HMCN1: variants seen among roughly 807,000 people sequenced by gnomAD.
The protein encoded by HMCN1 is hemicentin 1.
Under a neutral mutation model 625.9 loss-of-function variants are expected in HMCN1, and 321 were observed. That is an observed-to-expected ratio of 0.51 (90% confidence interval 0.47 to 0.56). HMCN1 has a LOEUF of 0.56. Ranked by LOEUF, HMCN1 falls within the 20% of genes least tolerant of loss-of-function variation. The pLI is 0.00. For synonymous variants in HMCN1, 2,425 were observed against 2,417.6 expected (o/e 1.00, Z -0.09); for missense variants, 6,588 against 6,887.3 (o/e 0.96, Z 1.54).
intron 11 of HMCN1, among the ~76,000 whole-genome samples, chr1:185,953,251 G>T (rs1289314560): frequency 6.6e-6 from 1 of 151,520 alleles, no homozygotes; most frequent in Non-Finnish European, 1.5e-5. Flanking sequence ...CAGAGAAGGG[G>T]TAGAGAGAAG....
chr1:186,068,033 A>G (rs1658239106), intron 50 of HMCN1, 26 bp downstream of exon 50: 1 of 1,577,302 alleles, frequency 6.3e-7, no homozygotes, highest in Non-Finnish European at 8.7e-7. Context: ...CAGATGTCCA[A>G]GATGCATCTG....
intron 2 of HMCN1, among the ~76,000 whole-genome samples, chr1:185,853,248 T>C (rs1267846429): frequency 6.6e-6 from 1 of 152,170 alleles, no homozygotes; most frequent in African/African-American, 2.4e-5. Context: ...CCAATCACTT[T>C]GAGTAACTGG....
At chr1:185,899,711 G>A (rs563777275) in intron 4 of HMCN1, among the ~76,000 whole-genome samples, 1 of 152,200 alleles carries the variant, frequency 6.6e-6, no homozygotes, top group East Asian at 1.9e-4. Context: ...TTTAGCAGTG[G>A]TAAAACAGAG....
At chr1:185,788,994 G>A (rs1657812524) in intron 1 of HMCN1, among the ~76,000 whole-genome samples, 1 of 152,024 alleles carries the variant, frequency 6.6e-6, no homozygotes, top group African/African-American at 2.4e-5. Context: ...AGCATTTTGA[G>A]ATAAAGAAAT....
intron 4 of HMCN1, among the ~76,000 whole-genome samples, chr1:185,891,902 C>G (rs139026516): frequency 0.02 from 2,815 of 142,646 alleles, 469 homozygotes; most frequent in African/African-American, 0.082. Flanking sequence ...ACCCTGCAGA[C>G]TGTTTTCCAA....
At chr1:186,051,598 G>A (rs1404287311) in intron 42 of HMCN1, among the ~76,000 whole-genome samples, 2 of 152,026 alleles carry the variant, frequency 1.3e-5, no homozygotes, top group Non-Finnish European at 2.9e-5. Flanking sequence ...ATGTAATTGT[G>A]TCATTTTCTT....
intron 4 of HMCN1, among the ~76,000 whole-genome samples, chr1:185,892,676 C>A (rs992322432): frequency 1.3e-5 from 2 of 151,960 alleles, no homozygotes; most frequent in Admixed American, 6.5e-5. Flanking sequence ...GTTCTCAGAT[C>A]TCCAGCTGCC....
intron 1 of HMCN1, among the ~76,000 whole-genome samples, chr1:185,786,261 A>T (rs780834147): frequency 6.6e-6 from 1 of 152,238 alleles, no homozygotes; most frequent in Non-Finnish European, 1.5e-5. Flanking sequence ...ATGGAAATGC[A>T]GAAAACAGTG....
At chr1:185,762,500 A>G (rs1363409629) in intron 1 of HMCN1, among the ~76,000 whole-genome samples, 1 of 152,184 alleles carries the variant, frequency 6.6e-6, no homozygotes, top group African/African-American at 2.4e-5. Context: ...TGGCTCTGAT[A>G]GTCATGGTTC....
intron 1 of HMCN1, among the ~76,000 whole-genome samples, chr1:185,736,665 T>C (rs1025031421): frequency 4.6e-5 from 7 of 152,240 alleles, no homozygotes; most frequent in African/African-American, 1.4e-4. Context: ...TATTTTGAAG[T>C]GATATGAAAA....
chr1:185,791,441 T>C (rs1413999607), intron 1 of HMCN1, among the ~76,000 whole-genome samples: 1 of 152,160 alleles, frequency 6.6e-6, no homozygotes, highest in Non-Finnish European at 1.5e-5. Context: ...AAAATTTGGC[T>C]GGGCACGGCG....
At chr1:186,080,367 CA>C (rs1659091586) in intron 55 of HMCN1, among the ~76,000 whole-genome samples, 1 of 152,076 alleles carries the variant, frequency 6.6e-6, no homozygotes, top group Admixed American at 6.6e-5. Context: ...GCTTTCAAAA[CA>C]AAAATGATTA....
chr1:186,094,509 G>A (rs1189388475), intron 67 of HMCN1, 136 bp downstream of exon 67: 2 of 716,470 alleles, frequency 2.8e-6, no homozygotes, highest in African/African-American at 1.7e-5. Flanking sequence ...GGATCTTACT[G>A]ACTAGAGAAT....
At chr1:186,166,342 C>A in intron 99 of HMCN1, 39 bp downstream of exon 99, 1 of 1,612,738 alleles carries the variant, frequency 6.2e-7, no homozygotes, top group South Asian at 1.1e-5. Flanking sequence ...AGCAATGGGT[C>A]AAGGATTTCT....
intron 1 of HMCN1, among the ~76,000 whole-genome samples, chr1:185,823,049 A>G (rs1036818871): frequency 6.6e-6 from 1 of 152,168 alleles, no homozygotes; most frequent in Non-Finnish European, 1.5e-5. Context: ...AATGAAAGTT[A>G]TATGGGATAT....
At chr1:186,089,261 GC>G (rs1237078746) in intron 63 of HMCN1, among the ~76,000 whole-genome samples, 1 of 151,962 alleles carries the variant, frequency 6.6e-6, no homozygotes, top group Non-Finnish European at 1.5e-5. Context: ...ATTAAGCATT[GC>G]AGGGACAACT....
rs567719847 is a variant in HMCN1, at chr1:186,172,048, A to T, written c.15731A>T (p.His5244Leu). The change falls in exon 102 of 107, where the codon CAC becomes CTC. Residue 5244 changes from histidine to leucine, a missense_variant. Around this residue, in one of 3 missense-constraint regions of HMCN1, gnomAD observed 1,954 missense variants for 2,013.1 expected, o/e 0.97. Transcript: ENST00000271588. ...CRQNVCRPDQ[H>L]CKNTRGGYKC... Reference sequence around the variant, plus strand: ...CAAAATGTATGCAGACCAGATCAGCACTGTAAGAACACCCGTGGTGGCTAT... The same window carrying T: ...CAAAATGTATGCAGACCAGATCAGCTCTGTAAGAACACCCGTGGTGGCTAT... 5.0e-6 allele frequency: 8 copies of T among 1,613,718 alleles called. No homozygotes were observed. Among genetic ancestry groups the T allele is most frequent in the Non-Finnish European group, 5.9e-6 (7 of 1,179,770 alleles).
chr1:185,965,777 C>T (rs1215039734), intron 13 of HMCN1, 25 bp from the exon 14 acceptor site: 10 of 1,246,102 alleles, frequency 8.0e-6, no homozygotes, highest in Non-Finnish European at 1.2e-5. Context: ...TAAATGTTGA[C>T]TATTTGCGTT....
chr1:185,892,184 G>A (rs975652531), intron 4 of HMCN1, among the ~76,000 whole-genome samples: 1 of 148,730 alleles, frequency 6.7e-6, no homozygotes, highest in Non-Finnish European at 1.5e-5. Context: ...GCACCTCTCT[G>A]TATTGGTTAT....
Sources: gnomAD v4.1 joint callset for allele counts (sites outside exome capture counted in the v4.1 genomes callset) on GRCh38, gnomAD v4.1.1 for gene constraint, gnomAD v4.1.1 regional missense constraint, MANE v1.5 for transcripts, NCBI Gene and HGNC (gene_info 2026-07-23, HGNC 2026-07-21) for gene names.